MFSD6L: variants seen among roughly 807,000 people sequenced by gnomAD.
MFSD6L encodes the protein major facilitator superfamily domain-containing protein 6-like.
Under a neutral mutation model 6.4 loss-of-function variants are expected in MFSD6L, and 9 were observed. That is an observed-to-expected ratio of 1.42 (90% CI 0.85 to 2.47). The LOEUF is 2.47. MFSD6L is among the 30% of genes most tolerant of loss of function. The probability of loss-of-function intolerance (pLI) is 0.00; values close to 1 mark genes in which losing one functional copy is unlikely to be tolerated. For synonymous variants in MFSD6L, 336 were observed against 322.4 expected, an observed-to-expected ratio of 1.04 and a Z score of -0.45; for missense variants, 747 against 730.6, an observed-to-expected ratio of 1.02 and a Z score of -0.26.
rs749261961 is a variant in MFSD6L at position 8,797,844 on chromosome 17, C to T, written c.1277G>A (p.Arg426Lys). The change falls in exon 1 of 1, where the codon AGG becomes AAG. Residue 426 changes from arginine (R) to lysine (K), a missense_variant. Arg to Lys is a conservative substitution (Grantham distance 26). Coordinates refer to ENST00000329805, the MANE Select transcript of MFSD6L (RefSeq NM_152599.4). The stretch of plus-strand genomic sequence containing the variant: ...CACCAGGCCCGTCCTGGACAGTTTC[C>T]TAAGCAATGTAGCTTTGAACGGATG... ...LLHPFKATLL[R>K]KLSRTGLVGL... The T allele has an allele frequency of 7.4e-6, 12 of 1,613,930 alleles. No homozygotes were observed. Among genetic ancestry groups the T allele is most frequent in the Non-Finnish European group, 9.3e-6 (11 of 1,180,016 alleles).
In MFSD6L at chr17:8,797,180, T is replaced by C. The variant is rs1214473634; in HGVS notation, c.*180A>G. 1 of 492,038 alleles carries C rather than the reference T, an allele frequency of 2.0e-6. No individual in the cohort carries two copies. Among genetic ancestry groups the C allele is most frequent in the Admixed American group, 3.8e-5 (1 of 26,202 alleles). The allele number at this position is 492,038 out of a possible 1,614,324, so 30.5% of individuals were successfully genotyped here. On this transcript the variant is annotated 3_prime_UTR_variant, in exon 1 of 1. Transcript: ENST00000329805. ...GATTGGCAAAAAGTTAAATCTCCTT[T>C]TACTTCAAAAGTAAAGAAAATCATG...
At position 8,797,899 on chromosome 17, in the gene MFSD6L, C is replaced by T. The variant is rs143056359; in HGVS notation, c.1222G>A (p.Ala408Thr). Residue 408 changes from alanine (A) to threonine (T), a missense_variant, in exon 1 of 1, where the codon GCC becomes ACC. Coordinates refer to ENST00000329805, the MANE Select transcript of MFSD6L (RefSeq NM_152599.4). ...SGELVMGFSV[A>T]LSLLGEILLH... ...AGAATTTCCCCCAGCAAGCTGAGGG[C>T]GACCGAGAAACCCATGACCAGCTCG... is the stretch of plus-strand genomic sequence containing the variant. The T allele has an allele frequency of 1.7e-3, 2,780 of 1,613,926 alleles. 4 individuals carry two copies. The highest frequency in any genetic ancestry group is 2.1e-3 in the Non-Finnish European group (2,522 of 1,180,024).
chr17:8,797,148 TA>T lies in MFSD6L; in HGVS notation c.*211del. 2.2e-6 allele frequency: 1 copy of T among 464,220 alleles called. No individual in the cohort carries two copies. The highest frequency in any genetic ancestry group is 6.0e-5 in the South Asian group (1 of 16,692). 28.8% of individuals were successfully genotyped at this position (464,220 alleles called of 1,614,324 possible). On this transcript the variant is annotated 3_prime_UTR_variant, in exon 1 of 1. Transcript: ENST00000329805. ...GCAAATGTATTCTTCCTCCATTATC[TA>T]AAAAAGATTGGCAAAAAGTTAAATC... is the stretch of plus-strand genomic sequence containing the variant.
Position 8,798,435 on chromosome 17 carries a change from T to G in MFSD6L, c.686A>C (p.Lys229Thr). Residue 229 changes from lysine (K) to threonine (T), a missense_variant, in exon 1 of 1, where the codon AAG becomes ACG. By Grantham distance (78) the Lys-to-Thr change is moderately conservative. Transcript: ENST00000329805. ...PGNPANLSGT[K>T]GKAWAFDLSL... Reference sequence around the variant, plus strand: ...CAGGTCAAAAGCCCAGGCTTTCCCCTTGGTCCCTGACAAATTGGCTGGATT... The same window carrying G: ...CAGGTCAAAAGCCCAGGCTTTCCCCGTGGTCCCTGACAAATTGGCTGGATT... 1 of 1,608,060 alleles carries G rather than the reference T, an allele frequency of 6.2e-7. No homozygotes were observed. The highest frequency in any genetic ancestry group is 1.1e-5 in the South Asian group (1 of 90,382).
At position 8,798,676 on chromosome 17, in the gene MFSD6L, C is replaced by T; in HGVS notation, c.445G>A (p.Glu149Lys). ...GGTGGGTTTCTGAAGCCAGGCATTT[C>T]CACCTCTGCAGTCCTCTTGGCTGGG... ...SHPAKRTAEVEMPGFRNPPGE... is the reference protein window; with the variant it reads ...SHPAKRTAEVKMPGFRNPPGE... The change falls in exon 1 of 1, where the codon GAA becomes AAA. Residue 149 changes from glutamate to lysine, a missense_variant. Physicochemically the swap from Glu to Lys is moderately conservative, Grantham distance 56 (BLOSUM62 1). Coordinates refer to ENST00000329805, the MANE Select transcript of MFSD6L (RefSeq NM_152599.4). 3 of 1,614,184 alleles carry T rather than the reference C, an allele frequency of 1.9e-6. No individual in the cohort carries two copies. Among genetic ancestry groups the T allele is most frequent in the South Asian group, 2.2e-5 (2 of 91,092 alleles).
rs2087026047 is a variant in MFSD6L, at chr17:8,799,262, C to G, written c.-142G>C. On this transcript the variant is annotated 5_prime_UTR_variant, in exon 1 of 1. Transcript: ENST00000329805. The surrounding 1 kb of genome is among the most constrained non-coding windows in gnomAD (Gnocchi z 5.3). ...CTGCGCCCCCGGTCTGGGGCGGCGCCGCGGTCACCAGGTCAACGGCCGCCC... is the reference window on the plus strand; with the variant it reads ...CTGCGCCCCCGGTCTGGGGCGGCGCGGCGGTCACCAGGTCAACGGCCGCCC... 1.5e-6 allele frequency: 1 copy of G among 666,500 alleles called. No individual in the cohort carries two copies. The highest frequency in any genetic ancestry group is 2.2e-6 in the Non-Finnish European group (1 of 448,072). 41.3% of individuals were successfully genotyped at this position (666,500 alleles called of 1,614,324 possible).
At position 8,797,462 on chromosome 17, in the gene MFSD6L, G is replaced by C. The variant is rs777717097; in HGVS notation, c.1659C>G (p.Tyr553Ter). 4.3e-6 allele frequency: 7 copies of C among 1,613,960 alleles called. No homozygotes were observed. The highest frequency in any genetic ancestry group is 5.9e-6 in the Non-Finnish European group (7 of 1,179,980). Residue 553 changes from tyrosine (Y) to a stop codon, truncating the protein, a stop_gained, in exon 1 of 1, where the codon TAC becomes TAG. Coordinates refer to ENST00000329805, the MANE Select transcript of MFSD6L (RefSeq NM_152599.4). LOFTEE classifies it high-confidence loss of function. ...RRLPRERKIKYSKLLSMEVSD... is the reference protein window; with the variant it reads ...RRLPRERKIK ...TCACCTCCATGGACAGCAGCTTCGA[G>C]TACTTGATTTTCCGCTCTCGGGGCA...
rs559718055 is a variant in MFSD6L, at chr17:8,798,824, C to A, written c.297G>T (p.Pro99=). 1.9e-6 allele frequency: 3 copies of A among 1,613,904 alleles called. No individual in the cohort carries two copies. In the African/African-American group the frequency reaches 4.0e-5, roughly 22 times the overall value. Residue 99 remains proline (P), a synonymous_variant, in exon 1 of 1, where the codon CCG becomes CCT. Transcript: ENST00000329805. Reference sequence around the variant, plus strand: ...GGAAGTGCACCCGATTTTTGTCTACCGGTGGGACCAGGACCATCAGCAGGC... The same window carrying A: ...GGAAGTGCACCCGATTTTTGTCTACAGGTGGGACCAGGACCATCAGCAGGC... ...GASLLMVLVP[P]VDKNRVHFPC...
Position 8,799,206 on chromosome 17 carries a change from C to G in MFSD6L, c.-86G>C. On this transcript the variant is annotated 5_prime_UTR_variant, in exon 1 of 1. Coordinates refer to ENST00000329805, the MANE Select transcript of MFSD6L (RefSeq NM_152599.4). This position sits in a 1 kb window ranked among gnomAD's most constrained non-coding sequence, Gnocchi z 5.3. ...CGGCCCCAGGTACCCGGGAGGGAGG[C>G]TTGGGGGACCGGGGCTCGGAGCGAG... The G allele has an allele frequency of 7.8e-7, 1 of 1,273,964 alleles. No individual in the cohort carries two copies. 78.9% of individuals were successfully genotyped at this position (1,273,964 alleles called of 1,614,324 possible). A position where few individuals can be genotyped will look rare whatever the true frequency, so the allele number is the denominator to read the frequency against.
In MFSD6L at chr17:8,799,121, G is replaced by A. The variant is rs1463354278; in HGVS notation, c.-1C>T. ...TGTCCCACCGGGGGTTGGCACTCAT[G>A]GCTGCCGGGCTCTGTCAGGCCTGGG... On this transcript the variant is annotated 5_prime_UTR_variant, in exon 1 of 1. Transcript: ENST00000329805. This position sits in a 1 kb window ranked among gnomAD's most constrained non-coding sequence, Gnocchi z 5.3. 2 of 1,544,256 alleles carry A rather than the reference G, an allele frequency of 1.3e-6. No individual in the cohort carries two copies. The highest frequency in any genetic ancestry group is 1.4e-5 in the African/African-American group (1 of 73,042).
rs1401979040 is a variant in MFSD6L at position 8,797,750 on chromosome 17, G to T, written c.1371C>A (p.Val457=). Reference sequence around the variant, plus strand: ...TGGCACTCAAGATCTGAATGGGGAGGACGGACCACCAGCTCCAGAGGAAAG... The same window carrying T: ...TGGCACTCAAGATCTGAATGGGGAGTACGGACCACCAGCTCCAGAGGAAAG... The part of the protein sequence containing the change: ...YYSFLWSWWS[V]LPIQILSAIS... Residue 457 remains valine (V), a synonymous_variant, in exon 1 of 1, where the codon GTC becomes GTA. Transcript: ENST00000329805. 5.0e-6 allele frequency: 8 copies of T among 1,613,870 alleles called. No homozygotes were observed. Among genetic ancestry groups the T allele is most frequent in the Non-Finnish European group, 5.9e-6 (7 of 1,180,042 alleles).
In MFSD6L at chr17:8,798,492, A is replaced by C; in HGVS notation, c.629T>G (p.Leu210Arg). 6.2e-7 allele frequency: 1 copy of C among 1,608,220 alleles called. No individual in the cohort carries two copies. ...EVTFEVVKTA[L>R]PLLPGGKGPG... The stretch of plus-strand genomic sequence containing the variant: ...CCCTTTCCCCCCAGGAAGCAAGGGG[A>C]GGGCTGTCTTGACCACCTCAAAAGT... Residue 210 changes from leucine to arginine, a missense_variant, in exon 1 of 1, where the codon CTC becomes CGC. Transcript: ENST00000329805.
chr17:8,798,296 C>G lies in MFSD6L; in HGVS notation c.825G>C (p.Leu275=). 1 of 1,607,910 alleles carries G rather than the reference C, an allele frequency of 6.2e-7. No individual in the cohort carries two copies. The highest frequency in any genetic ancestry group is 2.2e-5 in the East Asian group (1 of 44,876). Residue 275 remains leucine (L), a synonymous_variant, in exon 1 of 1, where the codon CTG becomes CTC. Transcript: ENST00000329805. ...ATCGGTCAGTGGCATCCACAAAATC[C>G]AGGAACTCATAAAGGCTGTCATCTG... The part of the protein sequence containing the change: ...QVADDSLYEF[L]DFVDATDRYR...
Position 8,798,597 on chromosome 17 carries a change from G to A in MFSD6L, c.524C>T (p.Ser175Phe). Residue 175 changes from serine (S) to phenylalanine (F), a missense_variant, in exon 1 of 1, where the codon TCC (serine) becomes TTC (phenylalanine). Transcript: ENST00000329805. ...GGATGTGGTCCTAGCTCCTTCAACG[G>A]AGGGCGCTAAGTAGACGTGCAGATC... ...FRDLHVYLAP[S>F]VEGARTTSQA... The A allele has an allele frequency of 6.2e-7, 1 of 1,614,208 alleles. No individual in the cohort carries two copies. The highest frequency in any genetic ancestry group is 8.5e-7 in the Non-Finnish European group (1 of 1,180,044).
Position 8,798,285 on chromosome 17 carries a change from T to G in MFSD6L, c.836A>C (p.Asp279Ala). ...DSLYEFLDFV[D>A]ATDRYRSLWV... ...CAGGCTTCTGTATCGGTCAGTGGCA[T>G]CCACAAAATCCAGGAACTCATAAAG... The change falls in exon 1 of 1, where the codon GAT (aspartate) becomes GCT (alanine). Residue 279 changes from aspartate (D) to alanine (A), a missense_variant. Asp to Ala is a moderately radical substitution (Grantham distance 126). Coordinates refer to ENST00000329805, the MANE Select transcript of MFSD6L (RefSeq NM_152599.4). The G allele has an allele frequency of 1.2e-6, 2 of 1,607,642 alleles. No homozygotes were observed. Among genetic ancestry groups the G allele is most frequent in the South Asian group, 1.1e-5 (1 of 91,078 alleles).
At position 8,799,213 on chromosome 17, in the gene MFSD6L, G is replaced by A. The variant is rs1276002960; in HGVS notation, c.-93C>T. 1 of 1,224,056 alleles carries A rather than the reference G, an allele frequency of 8.2e-7. No homozygotes were observed. The highest frequency in any genetic ancestry group is 1.1e-6 in the Non-Finnish European group (1 of 911,722). 75.8% of individuals were successfully genotyped at this position (1,224,056 alleles called of 1,614,324 possible). The stretch of plus-strand genomic sequence containing the variant: ...AGGTACCCGGGAGGGAGGCTTGGGG[G>A]ACCGGGGCTCGGAGCGAGTGGGACT... On this transcript the variant is annotated 5_prime_UTR_variant, in exon 1 of 1. Coordinates refer to ENST00000329805, the MANE Select transcript of MFSD6L (RefSeq NM_152599.4). This position sits in a 1 kb window ranked among gnomAD's most constrained non-coding sequence, Gnocchi z 5.3.
rs781697210 is a variant in MFSD6L at position 8,798,248 on chromosome 17, C to T, written c.873G>A (p.Arg291=). The part of the protein sequence containing the change: ...TDRYRSLWVW[R]LLGMSAGVCG... ...ACACGCCTGCCGACATGCCCAGCAACCTCCAGACCCACAGGCTTCTGTATC... is the reference window on the plus strand; with the variant it reads ...ACACGCCTGCCGACATGCCCAGCAATCTCCAGACCCACAGGCTTCTGTATC... The change falls in exon 1 of 1, where the codon AGG becomes AGA. Residue 291 remains arginine (R), a synonymous_variant. Coordinates refer to ENST00000329805, the MANE Select transcript of MFSD6L (RefSeq NM_152599.4). The T allele has an allele frequency of 3.1e-6, 5 of 1,609,722 alleles. No homozygotes were observed. The South Asian group carries it at 3.3e-5, about 11-fold the overall frequency.
In MFSD6L at chr17:8,799,046, C is replaced by T; in HGVS notation, c.75G>A (p.Val25=). The T allele has an allele frequency of 6.2e-7, 1 of 1,609,988 alleles. No homozygotes were observed. The highest frequency in any genetic ancestry group is 8.5e-7 in the Non-Finnish European group (1 of 1,178,302). Residue 25 remains valine, a synonymous_variant, in exon 1 of 1, where the codon GTG becomes GTA. Coordinates refer to ENST00000329805, the MANE Select transcript of MFSD6L (RefSeq NM_152599.4). This position sits in a 1 kb window ranked among gnomAD's most constrained non-coding sequence, Gnocchi z 5.3. Reference sequence around the variant, plus strand: ...GGAACGGGGTCACGCAGGCTTCCCGCACCCCGCACACCAGGTGGAAGAGCT... The same window carrying T: ...GGAACGGGGTCACGCAGGCTTCCCGTACCCCGCACACCAGGTGGAAGAGCT... ...VAKLFHLVCG[V]REACVTPFLT...
chr17:8,798,848 G>T lies in MFSD6L; in HGVS notation c.273C>A (p.Ser91Arg), dbSNP rs778701585. The T allele has an allele frequency of 6.2e-7, 1 of 1,613,946 alleles. No individual in the cohort carries two copies. The highest frequency in any genetic ancestry group is 2.2e-5 in the East Asian group (1 of 44,872). ...IGSLLGSVGA[S>R]LLMVLVPPVD... ...CCGGTGGGACCAGGACCATCAGCAG[G>T]CTGGCCCCCACCGAGCCGAGCAGGG... Residue 91 changes from serine (S) to arginine (R), a missense_variant, in exon 1 of 1, where the codon AGC (serine) becomes AGA (arginine). Transcript: ENST00000329805.
Sources: gnomAD v4.1 joint callset for allele counts on GRCh38, gnomAD v4.1.1 for gene constraint, Gnocchi (gnomAD v3.1) non-coding constraint, MANE v1.5 for transcripts, NCBI Gene and HGNC (gene_info 2026-07-23, HGNC 2026-07-21) for gene names.